CSMD1: variants seen among roughly 807,000 people sequenced by gnomAD.
CSMD1 encodes the protein CUB and sushi domain-containing protein 1.
In CSMD1, 213 loss-of-function variants were observed where a neutral mutation model predicts 417.5. The ratio of observed to expected loss-of-function variants is 0.51; its 90% CI spans 0.46 to 0.57. The LOEUF (loss-of-function observed/expected upper bound fraction) is 0.57, where lower values mean the gene tolerates loss of function less well. Among genes scored for constraint, CSMD1 ranks in the 20% least tolerant of loss-of-function variants. The pLI, the probability that CSMD1 is intolerant of heterozygous loss-of-function variation, is 0.00. For synonymous variants in CSMD1, 2,862 were observed against 1,736.8 expected (o/e 1.65, Z -16.11); for missense variants, 6,923 against 4,529.7 (o/e 1.53, Z -15.17).
At position 4,203,057 on chromosome 8, in the gene CSMD1, G is replaced by C. The variant is rs990618182; in HGVS notation, c.416-170958C>G. Among the ~76,000 whole-genome samples the C allele has an allele frequency of 5.3e-5, 8 of 152,216 alleles. No individual in the cohort carries two copies. In the East Asian group the frequency reaches 5.8e-4, roughly 11 times the overall value. On this transcript the variant is annotated intron_variant, in intron 3 of 69. Transcript: ENST00000635120. The stretch of plus-strand genomic sequence containing the variant: ...CTGAGAGGATTTGACAGGTGTGAGA[G>C]TTAAGGATTTTGAGCAAGTGAGATG...
At chr8:4,442,979 G>A (rs1293540068) in intron 2 of CSMD1, among the ~76,000 whole-genome samples, 1 of 152,082 alleles carries the variant, frequency 6.6e-6, no homozygotes, top group African/African-American at 2.4e-5. Context: ...CCAAAATAGT[G>A]TCATTGCTTT....
intron 1 of CSMD1, among the ~76,000 whole-genome samples, chr8:4,874,670 G>A (rs1247849009): frequency 6.6e-6 from 1 of 151,660 alleles, no homozygotes; most frequent in African/African-American, 2.4e-5. Flanking sequence ...GGATCAGTTG[G>A]CATCTTATGT....
intron 1 of CSMD1, among the ~76,000 whole-genome samples, chr8:4,827,088 G>A (rs752657682): frequency 6.6e-6 from 1 of 152,058 alleles, no homozygotes; most frequent in Non-Finnish European, 1.5e-5. Context: ...CCATGTTCTG[G>A]CAATGCCCTT....
intron 2 of CSMD1, among the ~76,000 whole-genome samples, chr8:4,598,797 A>T (rs1403475499): frequency 5.3e-5 from 8 of 152,156 alleles, no homozygotes; most frequent in Non-Finnish European, 7.4e-5. Flanking sequence ...TCACAGAAAT[A>T]GGTTGAGTAT....
intron 3 of CSMD1, among the ~76,000 whole-genome samples, chr8:4,102,091 G>A (rs1285271883): frequency 6.6e-6 from 1 of 152,114 alleles, no homozygotes; most frequent in African/African-American, 2.4e-5. Context: ...ACTAATTTCT[G>A]AAGTAATGCT....
chr8:4,355,387 G>A (rs879839959), intron 3 of CSMD1, among the ~76,000 whole-genome samples: 12 of 151,636 alleles, frequency 7.9e-5, no homozygotes, highest in Non-Finnish European at 1.6e-4. Flanking sequence ...AAAATGACGC[G>A]TTAAGAGTGT....
chr8:4,476,786 C>T (rs573080299), intron 2 of CSMD1, among the ~76,000 whole-genome samples: 5 of 152,258 alleles, frequency 3.3e-5, no homozygotes, highest in East Asian at 1.9e-4. Context: ...ACAGAGAGCA[C>T]CTGACACATG....
At chr8:3,560,843 G>C (rs1799439188) in intron 10 of CSMD1, among the ~76,000 whole-genome samples, 1 of 152,204 alleles carries the variant, frequency 6.6e-6, no homozygotes, top group Non-Finnish European at 1.5e-5. Context: ...AATGGCTTAG[G>C]GTAAAGGGTC....
intron 5 of CSMD1, among the ~76,000 whole-genome samples, chr8:3,857,297 G>C (rs917605154): frequency 6.6e-6 from 1 of 152,106 alleles, no homozygotes; most frequent in Admixed American, 6.6e-5. Flanking sequence ...TTAGCATTAG[G>C]AGGGTTTTTC....
chr8:3,936,036 T>C (rs571450723), intron 5 of CSMD1, among the ~76,000 whole-genome samples: 83 of 152,314 alleles, frequency 5.4e-4, no homozygotes, highest in African/African-American at 1.9e-3. Flanking sequence ...ATTGCTGATA[T>C]GGAGAAAGTT....
At chr8:3,014,609 T>G (rs680457) in intron 52 of CSMD1, among the ~76,000 whole-genome samples, 19,440 of 152,130 alleles carry the variant, frequency 0.13, 3,005 homozygotes, top group African/African-American at 0.37. Context: ...TATAAGCTCC[T>G]TATCTTTGGG....
At chr8:2,980,140 A>C (rs758157878) in intron 54 of CSMD1, among the ~76,000 whole-genome samples, 10 of 152,200 alleles carry the variant, frequency 6.6e-5, no homozygotes, top group Admixed American at 1.3e-4. Flanking sequence ...GTTTGTGCTT[A>C]TGTTGCTCTT....
rs150890417 is a variant in CSMD1 at position 3,179,147 on chromosome 8, G to A, written c.5725+1963C>T. ...TTTTTAGTAGATACGGGGTTTCAAC[G>A]TGTTAGCCAGGACTGTCTCGATCTC... On this transcript the variant is annotated intron_variant, in intron 37 of 69. Coordinates refer to ENST00000635120, the MANE Select transcript of CSMD1 (RefSeq NM_033225.6). Among the ~76,000 whole-genome samples the A allele has an allele frequency of 3.5e-3, 529 of 151,158 alleles. 12 individuals are homozygous for A. The highest frequency in any genetic ancestry group is 0.01 in the Middle Eastern group (3 of 292).
At chr8:2,954,072 A>T (rs1477566323) in intron 65 of CSMD1, among the ~76,000 whole-genome samples, 152 bp downstream of exon 65, 1 of 152,238 alleles carries the variant, frequency 6.6e-6, no homozygotes, top group Non-Finnish European at 1.5e-5. Context: ...ACAGAATTCC[A>T]TGTAAGCTTG....
chr8:3,065,282 C>CATAG (rs199836260), intron 49 of CSMD1, among the ~76,000 whole-genome samples: 23 of 140,350 alleles, frequency 1.6e-4, no homozygotes, highest in Admixed American at 7.8e-4. Flanking sequence ...GAATATGATA[C>CATAG]ATAGATAGAT....
intron 38 of CSMD1, among the ~76,000 whole-genome samples, 184 bp from the exon 39 acceptor site, chr8:3,158,150 A>G (rs1192459556): frequency 1.3e-5 from 2 of 152,204 alleles, no homozygotes; most frequent in East Asian, 3.8e-4. Context: ...CCAACATAGA[A>G]AAGTATCCAT....
intron 25 of CSMD1, among the ~76,000 whole-genome samples, chr8:3,290,186 A>G (rs1584938290): frequency 1.4e-5 from 2 of 147,132 alleles, no homozygotes; most frequent in African/African-American, 2.7e-5. Context: ...ATTGGTCTCT[A>G]TCTCTGTTTT....
At chr8:3,121,863 T>G (rs1215021042) in intron 41 of CSMD1, among the ~76,000 whole-genome samples, 2 of 152,020 alleles carry the variant, frequency 1.3e-5, no homozygotes, top group Non-Finnish European at 2.9e-5. Context: ...ATTAACAAGA[T>G]CAGTGTGAAT....
In CSMD1 at chr8:2,966,623, G is replaced by T. The variant is rs1426047220; in HGVS notation, c.9047C>A (p.Thr3016Lys). 6.8e-6 allele frequency: 11 copies of T among 1,613,780 alleles called. No individual in the cohort carries two copies. Among genetic ancestry groups the T allele is most frequent in the Non-Finnish European group, 9.3e-6 (11 of 1,179,792 alleles). ...WEGYKTSGLM[T>K]RHCTANGTWT... is the part of the protein sequence containing the mutation. Reference sequence around the variant, plus strand: ...GGTCCCATTGGCTGTGCAATGCCGTGTCATGAGCCCTGAGGTCTTGTAGCC... The same window carrying T: ...GGTCCCATTGGCTGTGCAATGCCGTTTCATGAGCCCTGAGGTCTTGTAGCC... The change falls in exon 58 of 70, where the codon ACA becomes AAA. Residue 3016 changes from threonine to lysine, a missense_variant. Thr to Lys is a moderately conservative substitution (Grantham distance 78). Coordinates refer to ENST00000635120, the MANE Select transcript of CSMD1 (RefSeq NM_033225.6).
Sources: allele counts gnomAD v4.1 joint callset (sites outside exome capture counted in the v4.1 genomes callset), GRCh38; gene constraint gnomAD v4.1.1; transcripts MANE v1.5; gene names NCBI Gene and HGNC (gene_info 2026-07-23, HGNC 2026-07-21).